PJA2: variants seen among roughly 807,000 people sequenced by gnomAD.
The protein encoded by PJA2 is E3 ubiquitin-protein ligase Praja-2.
A neutral mutation model predicts 69.3 loss-of-function variants in PJA2; 25 were observed. That is an observed-to-expected ratio of 0.36 (90% CI 0.26 to 0.50). The LOEUF (loss-of-function observed/expected upper bound fraction) is 0.50, where lower values mean the gene tolerates loss of function less well. Among genes scored for constraint, PJA2 ranks in the 20% least tolerant of loss-of-function variants. The pLI, the probability that PJA2 is intolerant of heterozygous loss-of-function variation, is 0.96. For missense variants in PJA2, 809 were observed against 830.2 expected (o/e 0.97, Z 0.31); for synonymous variants, 308 against 277.8 (o/e 1.11, Z -1.08).
intron 1 of PJA2, among the ~76,000 whole-genome samples, chr5:109,390,963 A>G (rs1016493006): frequency 6.6e-6 from 1 of 152,100 alleles, no homozygotes; most frequent in Non-Finnish European, 1.5e-5. Flanking sequence ...TCAAAGTGTA[A>G]CCTACACTCT....
chr5:109,393,767 C>A (rs980829441), intron 1 of PJA2, among the ~76,000 whole-genome samples: 2 of 152,034 alleles, frequency 1.3e-5, no homozygotes, highest in Non-Finnish European at 2.9e-5. Flanking sequence ...GAATACTACA[C>A]AACAAAAATG....
At position 109,390,231 on chromosome 5, in the gene PJA2, A is replaced by G. The variant is rs1747250231; in HGVS notation, c.-87-6711T>C. On this transcript the variant is annotated intron_variant, in intron 1 of 9. Transcript: ENST00000361189. ...GGAATACAGATCTACCTTTCTTTTT[A>G]GCTATTTTAGCTTCTGTCTTACATA... Among the ~76,000 whole-genome samples, 2 of 151,948 alleles carry G rather than the reference A, an allele frequency of 1.3e-5. 1 individual carries two copies. The highest frequency in any genetic ancestry group is 4.1e-4 in the South Asian group (2 of 4,824).
intron 1 of PJA2, among the ~76,000 whole-genome samples, chr5:109,406,399 AG>A (rs1283414759): frequency 1.3e-5 from 2 of 152,202 alleles, no homozygotes; most frequent in Non-Finnish European, 2.9e-5. Context: ...TACTTCACAA[AG>A]GAAGACATAC....
intron 7 of PJA2, among the ~76,000 whole-genome samples, chr5:109,354,616 C>A (rs1162865128): frequency 4.3e-5 from 6 of 140,082 alleles, no homozygotes; most frequent in African/African-American, 1.6e-4. Flanking sequence ...TATCTAATAT[C>A]TATCGATATT....
rs183696505 is a variant in PJA2, at chr5:109,407,437, A to G, written c.-88+2405T>C. 1.5e-3 allele frequency among the ~76,000 whole-genome samples: 235 copies of G among 152,304 alleles called. 2 individuals carry two copies. Among genetic ancestry groups the G allele is most frequent in the African/African-American group, 5.2e-3 (218 of 41,590 alleles). On this transcript the variant is annotated intron_variant, in intron 1 of 9. Coordinates refer to ENST00000361189, the MANE Select transcript of PJA2 (RefSeq NM_014819.5). Reference sequence around the variant, plus strand: ...GCGGCTTTACCAGAAAGCTTCACCAAACATCATAATTAATGCTAAAACATT... The same window carrying G: ...GCGGCTTTACCAGAAAGCTTCACCAGACATCATAATTAATGCTAAAACATT...
intron 1 of PJA2, among the ~76,000 whole-genome samples, chr5:109,391,852 T>C (rs185673724): frequency 1.3e-5 from 2 of 152,264 alleles, no homozygotes; most frequent in East Asian, 3.9e-4. Flanking sequence ...AATATTACCT[T>C]GAAAGGATAT....
intron 7 of PJA2, among the ~76,000 whole-genome samples, chr5:109,354,344 ATAGATTGGATAT>A: frequency 2.1e-5 from 3 of 143,806 alleles, no homozygotes; most frequent in African/African-American, 8.1e-5. Context: ...AGAGATATCT[ATAGATTGGATAT>A]CTATATCTAG....
chr5:109,378,117 T>C, intron 4 of PJA2, 87 bp downstream of exon 4: 1 of 942,970 alleles, frequency 1.1e-6, no homozygotes. Flanking sequence ...CCTGATCATA[T>C]CAAATAGCCC....
In PJA2 at chr5:109,362,987, C is replaced by A; in HGVS notation, c.1505G>T (p.Trp502Leu). The A allele has an allele frequency of 6.2e-7, 1 of 1,605,470 alleles. No individual in the cohort carries two copies. The highest frequency in any genetic ancestry group is 1.1e-5 in the South Asian group (1 of 90,132). ...TTCATTGACTTCATTGTACTGTAAC[C>A]AAGGAATTTCTCCCTCTTCCAAGGA... ...QTSLEEGEIPWLQYNEVNESS... is the reference protein window; with the variant it reads ...QTSLEEGEIPLLQYNEVNESS... The change falls in exon 6 of 10, where the codon TGG (tryptophan) becomes TTG (leucine). Residue 502 changes from tryptophan (W) to leucine (L), a missense_variant. By Grantham distance (61) the Trp-to-Leu change is moderately conservative. Around this residue, in one of 4 missense-constraint regions of PJA2, gnomAD observed 700 missense variants for 639.5 expected, o/e 1.09. Coordinates refer to ENST00000361189, the MANE Select transcript of PJA2 (RefSeq NM_014819.5).
chr5:109,379,872 T>TATGTTG (rs1746999519), intron 3 of PJA2, among the ~76,000 whole-genome samples: 1 of 152,152 alleles, frequency 6.6e-6, no homozygotes, highest in African/African-American at 2.4e-5. Context: ...AAGAGATCAA[T>TATGTTG]ATGTTGATTC....
chr5:109,344,045 C>G (rs565926874), intron 9 of PJA2, 145 bp downstream of exon 9: 4 of 504,312 alleles, frequency 7.9e-6, no homozygotes, highest in Non-Finnish European at 1.3e-5. Flanking sequence ...TGCAGTGAGC[C>G]GAGATCGAAC....
chr5:109,401,526 A>G (rs889170947), intron 1 of PJA2, among the ~76,000 whole-genome samples: 3 of 152,246 alleles, frequency 2.0e-5, no homozygotes, highest in Non-Finnish European at 4.4e-5. Context: ...CTGACAGCAG[A>G]AAAAAGGAAC....
intron 7 of PJA2, among the ~76,000 whole-genome samples, chr5:109,348,913 C>G (rs1050757540): frequency 5.3e-5 from 8 of 152,262 alleles, no homozygotes; most frequent in African/African-American, 1.9e-4. Flanking sequence ...TAACAGTTTA[C>G]TTTTCCTCTT....
intron 6 of PJA2, among the ~76,000 whole-genome samples, chr5:109,357,104 C>T (rs965968504): frequency 1.3e-5 from 2 of 152,092 alleles, no homozygotes; most frequent in Admixed American, 6.5e-5. Flanking sequence ...TAAATCTCTA[C>T]CTAATTCCTA....
At position 109,378,661 on chromosome 5, in the gene PJA2, C is replaced by T. The variant is rs534110111; in HGVS notation, c.826G>A (p.Glu276Lys). Residue 276 changes from glutamate (E) to lysine (K), a missense_variant, in exon 4 of 10, where the codon GAA becomes AAA. Physicochemically the swap from Glu to Lys is moderately conservative, Grantham distance 56. Around this residue, in one of 4 missense-constraint regions of PJA2, gnomAD observed 700 missense variants for 639.5 expected, o/e 1.09. Transcript: ENST00000361189. ...TCAGGTGAATGTTCTGTCTGTCTTT[C>T]CTGGCTAGTATTATTTTGTTGTTTC... ...STKQQNNTSQ[E>K]RQTEHSPEDA... The T allele has an allele frequency of 9.3e-6, 15 of 1,614,094 alleles. No individual in the cohort carries two copies. The African/African-American group carries it at 1.6e-4, about 17-fold the overall frequency.
Position 109,383,457 on chromosome 5 carries a change from G to C in PJA2, c.-24C>G. 6.3e-7 allele frequency: 1 copy of C among 1,594,204 alleles called. No individual in the cohort carries two copies. The highest frequency in any genetic ancestry group is 8.6e-7 in the Non-Finnish European group (1 of 1,165,364). On this transcript the variant is annotated 5_prime_UTR_variant, in exon 2 of 10. Transcript: ENST00000361189. ...ATATATGGCAGCGTCTGTGTGACCA[G>C]TTCAGTAGAATTATAGATGTGATTT...
chr5:109,378,905 C>G lies in PJA2; in HGVS notation c.582G>C (p.Gln194His), dbSNP rs1326402451. 1.2e-5 allele frequency: 19 copies of G among 1,614,118 alleles called. No individual in the cohort carries two copies. Among genetic ancestry groups the G allele is most frequent in the Non-Finnish European group, 1.5e-5 (18 of 1,180,024 alleles). ...CAAATACTGTATTGCCTAATGATTC[C>G]TGGTATCTACTACCTTCCACGACTT... Reference protein sequence around the residue: ...SAEVVEGSRYQESLGNTVFEL... With the variant: ...SAEVVEGSRYHESLGNTVFEL... The change falls in exon 4 of 10, where the codon CAG becomes CAC. Residue 194 changes from glutamine (Q) to histidine (H), a missense_variant. Transcript: ENST00000361189.
intron 4 of PJA2, among the ~76,000 whole-genome samples, chr5:109,370,220 G>C (rs771214892): frequency 3.9e-5 from 6 of 151,944 alleles, no homozygotes; most frequent in Non-Finnish European, 8.8e-5. Flanking sequence ...CAACCATTTT[G>C]GTTAAGAATC....
At chr5:109,352,253 T>G (rs1762266491) in intron 7 of PJA2, among the ~76,000 whole-genome samples, 1 of 152,330 alleles carries the variant, frequency 6.6e-6, no homozygotes, top group African/African-American at 2.4e-5. Context: ...TCTCTGGCTC[T>G]TCTTTCAAGA....
Sources: allele counts gnomAD v4.1 joint callset (sites outside exome capture counted in the v4.1 genomes callset), GRCh38; gene constraint gnomAD v4.1.1; regional missense constraint gnomAD v4.1.1; transcripts MANE v1.5; gene names NCBI Gene and HGNC (gene_info 2026-07-23, HGNC 2026-07-21).